The following AGMO variants were observed in gnomAD, a reference collection of about 807,000 sequenced individuals.
The protein encoded by AGMO is alkylglycerol monooxygenase, also known as glyceryl-ether monooxygenase.
A neutral mutation model predicts 60.2 loss-of-function variants in AGMO; 75 were observed. The observed-to-expected ratio is 1.25, with a 90% CI of 1.03 to 1.51. The LOEUF (loss-of-function observed/expected upper bound fraction) is 1.51. AGMO is among the 40% of genes most tolerant of loss of function. The probability of loss-of-function intolerance (pLI) is 0.00; values close to 1 mark genes in which losing one functional copy is unlikely to be tolerated. For synonymous variants in AGMO, 261 were observed against 177.1 expected, an observed-to-expected ratio of 1.47 and a Z score of -3.76; for missense variants, 763 against 525.5, an observed-to-expected ratio of 1.45 and a Z score of -4.42.
At chr7:15,301,612 A>G in intron 12 of AGMO, among the ~76,000 whole-genome samples, 1 of 152,172 alleles carries the variant, frequency 6.6e-6, no homozygotes, top group East Asian at 1.9e-4. Flanking sequence ...TGTAAGCAAA[A>G]GCATAGGAAT....
chr7:15,190,542 C>A, the AGMO span, among the ~76,000 whole-genome samples: 1 of 151,976 alleles, frequency 6.6e-6, no homozygotes, highest in Non-Finnish European at 1.5e-5. Context: ...GGCAGGATGT[C>A]TGAAAAAATA....
chr7:15,342,577 G>T (rs1781889687), intron 12 of AGMO, among the ~76,000 whole-genome samples: 2 of 151,666 alleles, frequency 1.3e-5, no homozygotes, highest in African/African-American at 4.8e-5. Context: ...CAAGGTTTTA[G>T]CCAGGTTCCT....
At chr7:15,295,092 G>T (rs2128523591) in intron 12 of AGMO, among the ~76,000 whole-genome samples, 1 of 151,414 alleles carries the variant, frequency 6.6e-6, no homozygotes, top group South Asian at 2.1e-4. Context: ...AAAGAAAGGA[G>T]GAACAGTTAA....
chr7:15,142,679 T>C, the AGMO span, among the ~76,000 whole-genome samples: 1 of 152,180 alleles, frequency 6.6e-6, no homozygotes, highest in Non-Finnish European at 1.5e-5. Context: ...TAAGTGGCTT[T>C]TAGTTTTGGT....
At chr7:15,175,054 C>G in the AGMO span, among the ~76,000 whole-genome samples, 17,391 of 151,534 alleles carry the variant, frequency 0.11, 1,031 homozygotes, top group Middle Eastern at 0.14. Flanking sequence ...GCAATAACAA[C>G]TACTGAATTT....
At chr7:15,166,124 T>C in the AGMO span, among the ~76,000 whole-genome samples, 2 of 152,062 alleles carry the variant, frequency 1.3e-5, no homozygotes, top group African/African-American at 4.8e-5. Context: ...ACATAATAAA[T>C]AAGCCTATTA....
At chr7:15,237,634 G>C (rs1231058655) in intron 12 of AGMO, among the ~76,000 whole-genome samples, 1 of 151,990 alleles carries the variant, frequency 6.6e-6, no homozygotes, top group Non-Finnish European at 1.5e-5. Context: ...ATAAAAGTTA[G>C]AATGAACATT....
chr7:15,446,149 T>A (rs561535584), intron 3 of AGMO, among the ~76,000 whole-genome samples: 11 of 152,316 alleles, frequency 7.2e-5, no homozygotes, highest in Non-Finnish European at 1.3e-4. Flanking sequence ...AAGGCCCATG[T>A]AGAACAGTCA....
intron 4 of AGMO, among the ~76,000 whole-genome samples, chr7:15,427,796 T>C (rs1781110493): frequency 6.6e-6 from 1 of 152,138 alleles, no homozygotes; most frequent in Non-Finnish European, 1.5e-5. Context: ...GCAGTGTATA[T>C]GCAGTAAAGA....
intron 2 of AGMO, among the ~76,000 whole-genome samples, chr7:15,553,498 C>A (rs1001351438): frequency 1.3e-5 from 2 of 151,882 alleles, no homozygotes; most frequent in African/African-American, 4.8e-5. Context: ...ATATGAAGAG[C>A]CTACTAAGTG....
intron 4 of AGMO, among the ~76,000 whole-genome samples, chr7:15,429,012 C>A (rs1781151098): frequency 6.6e-6 from 1 of 152,008 alleles, no homozygotes; most frequent in South Asian, 2.1e-4. Context: ...CCATCACGTG[C>A]CCTGTTTTCC....
At chr7:15,294,861 A>C (rs763301622) in intron 12 of AGMO, among the ~76,000 whole-genome samples, 1 of 152,000 alleles carries the variant, frequency 6.6e-6, no homozygotes, top group Non-Finnish European at 1.5e-5. Flanking sequence ...TATGCAACTG[A>C]AAAGTCATGA....
the AGMO span, among the ~76,000 whole-genome samples, chr7:15,173,825 T>A: frequency 6.6e-6 from 1 of 150,870 alleles, no homozygotes; most frequent in Admixed American, 6.6e-5. Context: ...ATTTCTTTCT[T>A]TTTTTTTTCT....
downstream of AGMO, among the ~76,000 whole-genome samples, chr7:15,197,968 C>T (rs1647634437): frequency 6.6e-6 from 1 of 152,076 alleles, no homozygotes; most frequent in Admixed American, 6.5e-5. Context: ...TAACCTCAGA[C>T]TCAAAATTAT....
chr7:15,280,889 A>G (rs1009008927), intron 12 of AGMO, among the ~76,000 whole-genome samples: 1 of 152,206 alleles, frequency 6.6e-6, no homozygotes, highest in Non-Finnish European at 1.5e-5. Context: ...TCTCTAATGT[A>G]GATAGAGTCT....
Position 15,444,333 on chromosome 7 carries a change from C to T in AGMO, c.410-13225G>A, listed in dbSNP as rs76519773. ...CTAATTTCAGTTATATCCAAACATTCCACTTTGGAAATGTTTGCTTGACCC... is the reference window on the plus strand; with the variant it reads ...CTAATTTCAGTTATATCCAAACATTTCACTTTGGAAATGTTTGCTTGACCC... On this transcript the variant is annotated intron_variant, in intron 3 of 12. Transcript: ENST00000342526. Among the ~76,000 whole-genome samples the T allele has an allele frequency of 2.1e-4, 32 of 152,220 alleles. No homozygotes were observed. In the East Asian group the frequency reaches 5.8e-3, roughly 28 times the overall value.
the AGMO span, among the ~76,000 whole-genome samples, chr7:15,188,874 T>C: frequency 0.17 from 26,332 of 152,004 alleles, 2,614 homozygotes; most frequent in East Asian, 0.51. Context: ...AGAGCATTTT[T>C]AAAGAATAGT....
In AGMO at chr7:15,243,393, T is replaced by G. The variant is rs148265041; in HGVS notation, c.1264-42034A>C. Among the ~76,000 whole-genome samples, 690 of 141,820 alleles carry G rather than the reference T, an allele frequency of 4.9e-3. 6 individuals carry two copies. The highest frequency in any genetic ancestry group is 0.023 in the South Asian group (107 of 4,634). The allele number at this position is 141,820 out of a possible 152,430, so 93.0% of individuals were successfully genotyped here. ...ACTTAGAAACCTTATGAGCTAGATG[T>G]TTTTTTTTTACAAGTTAGAGCAAAA... is the stretch of plus-strand genomic sequence containing the variant. On this transcript the variant is annotated intron_variant, in intron 12 of 12. Coordinates refer to ENST00000342526, the MANE Select transcript of AGMO (RefSeq NM_001004320.2).
At chr7:15,339,100 T>C (rs541981011) in intron 12 of AGMO, among the ~76,000 whole-genome samples, 9 of 152,280 alleles carry the variant, frequency 5.9e-5, no homozygotes, top group African/African-American at 1.9e-4. Context: ...TGCTCTTCTA[T>C]AGCTCTTTCT....
Sources: gnomAD v4.1 joint callset for allele counts (sites outside exome capture counted in the v4.1 genomes callset) on GRCh38, gnomAD v4.1.1 for gene constraint, MANE v1.5 for transcripts, NCBI Gene and HGNC (gene_info 2026-07-23, HGNC 2026-07-21) for gene names.